KSR1: variants seen among roughly 807,000 people sequenced by gnomAD.
KSR1 encodes kinase suppressor of ras 1.
A neutral mutation model predicts 92.9 loss-of-function variants in KSR1; 35 were observed. The observed-to-expected ratio is 0.38, with a 90% CI of 0.29 to 0.50. The LOEUF is 0.50. Ranked by LOEUF, KSR1 falls within the 20% of genes least tolerant of loss-of-function variation. The pLI is 0.94. For synonymous variants in KSR1, 467 were observed against 472.6 expected (o/e 0.99, Z 0.15); for missense variants, 972 against 1,158.5 (o/e 0.84, Z 2.34).
At chr17:27,502,527 A>G (rs1049474774) in intron 1 of KSR1, among the ~76,000 whole-genome samples, 3 of 152,194 alleles carry the variant, frequency 2.0e-5, no homozygotes, top group Non-Finnish European at 2.9e-5. Flanking sequence ...TCCATTCTCT[A>G]GCCCTTGGTG....
intron 1 of KSR1, among the ~76,000 whole-genome samples, chr17:27,536,875 A>C (rs897036990): frequency 1.3e-5 from 2 of 152,242 alleles, no homozygotes; most frequent in Non-Finnish European, 2.9e-5. Context: ...AAGTAGCCAC[A>C]GACCAACCCA....
At chr17:27,461,605 C>T (rs1037425414) in intron 1 of KSR1, among the ~76,000 whole-genome samples, 2 of 152,218 alleles carry the variant, frequency 1.3e-5, no homozygotes, top group African/African-American at 4.8e-5. Flanking sequence ...TGTCCACTTT[C>T]ACCCGGGTAA....
At chr17:27,542,921 G>A (rs2071019908) in intron 1 of KSR1, among the ~76,000 whole-genome samples, 1 of 152,206 alleles carries the variant, frequency 6.6e-6, no homozygotes, top group Non-Finnish European at 1.5e-5. Context: ...ATGTGTGATG[G>A]TGCGAGGGGT....
intron 1 of KSR1, among the ~76,000 whole-genome samples, chr17:27,491,499 T>C (rs1306396114): frequency 6.6e-6 from 1 of 152,144 alleles, no homozygotes; most frequent in South Asian, 2.1e-4. Context: ...CACAAAACAC[T>C]CTAATGCTCA....
At chr17:27,488,607 G>A (rs2068735078) in intron 1 of KSR1, among the ~76,000 whole-genome samples, 1 of 152,178 alleles carries the variant, frequency 6.6e-6, no homozygotes, top group South Asian at 2.1e-4. Flanking sequence ...CAAGACAGGA[G>A]GATTGCTTGA....
intron 6 of KSR1, among the ~76,000 whole-genome samples, chr17:27,588,893 G>A (rs1001709833): frequency 5.3e-5 from 8 of 152,298 alleles, no homozygotes; most frequent in Admixed American, 3.3e-4. Context: ...GAAACTGGCC[G>A]CATATCAGAG....
intron 9 of KSR1, among the ~76,000 whole-genome samples, chr17:27,594,644 A>T (rs1690453778): frequency 6.6e-6 from 1 of 152,204 alleles, no homozygotes; most frequent in South Asian, 2.1e-4. Context: ...CTATGATAAC[A>T]TAAGCTAACC....
intron 1 of KSR1, among the ~76,000 whole-genome samples, chr17:27,548,241 A>G (rs889014110): frequency 2.4e-4 from 36 of 151,890 alleles, no homozygotes; most frequent in African/African-American, 8.4e-4. Context: ...AAAAAAAAAA[A>G]AAAAGATAAA....
chr17:27,604,498 A>G (rs2073681110), intron 12 of KSR1, among the ~76,000 whole-genome samples, 182 bp from the exon 13 acceptor site: 1 of 152,188 alleles, frequency 6.6e-6, no homozygotes, highest in Non-Finnish European at 1.5e-5. Context: ...CTGAGGCTGC[A>G]CAAGGGGCAG....
intron 9 of KSR1, 107 bp from the exon 10 acceptor site, chr17:27,597,161 C>A: frequency 8.0e-7 from 1 of 1,245,724 alleles, no homozygotes; most frequent in Admixed American, 2.1e-5. Flanking sequence ...CCTGAGGATT[C>A]CCTGGGCTGA....
intron 3 of KSR1, chr17:27,578,886 T>C (rs904189504): frequency 6.6e-6 from 1 of 152,198 alleles, no homozygotes; most frequent in Non-Finnish European, 1.5e-5. Context: ...TAAGAGGTAG[T>C]GTTGAGCTCG....
intron 1 of KSR1, among the ~76,000 whole-genome samples, chr17:27,533,216 G>A (rs553260066): frequency 7.2e-5 from 11 of 152,222 alleles, no homozygotes; most frequent in Admixed American, 6.5e-4. Flanking sequence ...TTACGCCTCT[G>A]TACAATGGGG....
intron 1 of KSR1, among the ~76,000 whole-genome samples, chr17:27,501,710 G>A (rs549575807): frequency 6.6e-6 from 1 of 152,364 alleles, no homozygotes; most frequent in East Asian, 1.9e-4. Flanking sequence ...TGTTGGCCAG[G>A]TTGGTCTTGA....
At chr17:27,494,181 A>G (rs1040621112) in intron 1 of KSR1, among the ~76,000 whole-genome samples, 1 of 152,190 alleles carries the variant, frequency 6.6e-6, no homozygotes, top group Non-Finnish European at 1.5e-5. Context: ...AGCTTCCAGG[A>G]ACAAAAAGTG....
intron 1 of KSR1, among the ~76,000 whole-genome samples, chr17:27,497,527 G>A (rs1201205439): frequency 6.6e-6 from 1 of 152,360 alleles, no homozygotes; most frequent in East Asian, 1.9e-4. Flanking sequence ...AAAGCAAGGA[G>A]TGGGACCAGG....
rs760663825 is a variant in KSR1 at position 27,605,737 on chromosome 17, C to T, written c.1918C>T (p.Arg640Trp). The change falls in exon 14 of 21, where the codon CGG becomes TGG. Residue 640 changes from arginine to tryptophan, a missense_variant. By Grantham distance (101) the Arg-to-Trp change is moderately radical. Transcript: ENST00000644974. ...CTTCAAGAAAGAGGTGATGAACTACCGGCAGACGCGGCATGAGAACGTGGT... is the reference window on the plus strand; with the variant it reads ...CTTCAAGAAAGAGGTGATGAACTACTGGCAGACGCGGCATGAGAACGTGGT... ...KLFKKEVMNY[R>W]QTRHENVVLF... The T allele has an allele frequency of 1.2e-6, 2 of 1,612,636 alleles. No homozygotes were observed. The highest frequency in any genetic ancestry group is 1.7e-5 in the Admixed American group (1 of 59,974).
chr17:27,605,507 G>A lies in KSR1; in HGVS notation c.1688G>A (p.Arg563His), dbSNP rs969916707. Residue 563 changes from arginine to histidine, a missense_variant, in exon 14 of 21, where the codon CGC (arginine) becomes CAC (histidine). By Grantham distance (29) the Arg-to-His change is conservative. This residue lies in a region of KSR1 where 611 missense variants were observed against 668.0 expected (regional missense o/e 0.91). Coordinates refer to ENST00000644974, the MANE Select transcript of KSR1 (RefSeq NM_001394583.1). ...EDEVDDLPSS[R>H]RPWRGPISRK... ...GAGGTGGACGACTTGCCGAGCTCTC[G>A]CCGGCCCTGGCGGGGCCCCATCTCT... 1.6e-5 allele frequency: 25 copies of A among 1,600,698 alleles called. 1 individual carries two copies. Among genetic ancestry groups the A allele is most frequent in the Admixed American group, 6.9e-5 (4 of 58,250 alleles).
rs996094021 is a variant in KSR1, at chr17:27,577,138, A to G, written c.373-354A>G. ...AGATACAACAAAATTGTGAAGGGCC[A>G]TCTTTGTCTGAAGTACTCGTCATTC... On this transcript the variant is annotated intron_variant, in intron 2 of 20. Transcript: ENST00000644974. The surrounding 1 kb of genome is among the most constrained non-coding windows in gnomAD (Gnocchi z 4.5). 6.6e-6 allele frequency among the ~76,000 whole-genome samples: 1 copy of G among 151,808 alleles called. No individual in the cohort carries two copies. Among genetic ancestry groups the G allele is most frequent in the Admixed American group, 6.6e-5 (1 of 15,252 alleles).
intron 1 of KSR1, among the ~76,000 whole-genome samples, chr17:27,486,385 C>G (rs1046444927): frequency 3.0e-4 from 45 of 152,210 alleles, no homozygotes; most frequent in African/African-American, 9.9e-4. Flanking sequence ...TGCTCCCCAA[C>G]CCCATCCACC....
Sources: allele counts gnomAD v4.1 joint callset (sites outside exome capture counted in the v4.1 genomes callset), GRCh38; gene constraint gnomAD v4.1.1; regional missense constraint gnomAD v4.1.1; non-coding constraint Gnocchi (gnomAD v3.1); transcripts MANE v1.5; gene names NCBI Gene and HGNC (gene_info 2026-07-23, HGNC 2026-07-21).